The following MGLL variants were observed in gnomAD, a reference collection of about 807,000 sequenced individuals.
The protein encoded by MGLL is monoglyceride lipase.
Under a neutral mutation model 29.1 loss-of-function variants are expected in MGLL, and 7 were observed. The observed-to-expected ratio is 0.24, with a 90% CI of 0.14 to 0.45. The LOEUF (loss-of-function observed/expected upper bound fraction) is 0.45, where lower values mean the gene tolerates loss of function less well. MGLL is among the 20% of genes least tolerant of loss of function. MGLL has a pLI of 0.99. For missense variants in MGLL, 356 were observed against 413.6 expected (o/e 0.86, Z 1.21); for synonymous variants, 148 against 168.3 (o/e 0.88, Z 0.93).
chr3:127,789,947 C>A (rs193127822), intron 2 of MGLL, among the ~76,000 whole-genome samples: 2 of 152,328 alleles, frequency 1.3e-5, no homozygotes, highest in Admixed American at 1.3e-4. Flanking sequence ...CCACCCACCT[C>A]CAAGCTATGT....
chr3:127,766,501 C>T (rs914465706), intron 3 of MGLL, among the ~76,000 whole-genome samples: 1 of 152,196 alleles, frequency 6.6e-6, no homozygotes, highest in Non-Finnish European at 1.5e-5. Context: ...GAGCCCCAAT[C>T]CACTTCCTCA....
chr3:127,691,859 G>C lies in MGLL; in HGVS notation c.*339C>G. On this transcript the variant is annotated 3_prime_UTR_variant, in exon 8 of 8. Coordinates refer to ENST00000265052, the MANE Select transcript of MGLL (RefSeq NM_007283.7). The stretch of plus-strand genomic sequence containing the variant: ...CAGTTATTGCAGTCTGGTGTCCTGG[G>C]AACACCAGGAATTCCTGGAACCCTT... 1 of 338,600 alleles carries C rather than the reference G, an allele frequency of 3.0e-6. No homozygotes were observed. The highest frequency in any genetic ancestry group is 2.6e-5 in the South Asian group (1 of 38,526). The allele number at this position is 338,600 out of a possible 1,614,324, so 21.0% of individuals were successfully genotyped here. A position where few individuals can be genotyped will look rare whatever the true frequency, so the allele number is the denominator to read the frequency against.
intron 2 of MGLL, among the ~76,000 whole-genome samples, chr3:127,794,444 G>A (rs1420871441): frequency 2.6e-5 from 4 of 152,140 alleles, no homozygotes; most frequent in Admixed American, 2.0e-4. Context: ...CTTCTATGAT[G>A]TAAGGATGTC....
chr3:127,731,823 T>C (rs2076157626), intron 3 of MGLL, among the ~76,000 whole-genome samples: 1 of 152,224 alleles, frequency 6.6e-6, no homozygotes, highest in East Asian at 1.9e-4. Flanking sequence ...GTCAATGGAA[T>C]AAACTTCTCC....
intron 3 of MGLL, among the ~76,000 whole-genome samples, chr3:127,729,445 G>T (rs1270107740): frequency 1.3e-5 from 2 of 152,016 alleles, no homozygotes; most frequent in Non-Finnish European, 2.9e-5. Context: ...TTGGTGTAGG[G>T]TAGGAGATAC....
At chr3:127,809,087 C>A (rs1274958242) in intron 2 of MGLL, among the ~76,000 whole-genome samples, 2 of 151,838 alleles carry the variant, frequency 1.3e-5, no homozygotes, top group African/African-American at 4.8e-5. Context: ...CTTGCCATCT[C>A]ATGACTACAA....
chr3:127,745,892 G>A (rs2076432558), intron 3 of MGLL, among the ~76,000 whole-genome samples: 1 of 152,168 alleles, frequency 6.6e-6, no homozygotes, highest in Non-Finnish European at 1.5e-5. Context: ...GGGCATGGAA[G>A]GGGAAGGCTG....
intron 2 of MGLL, among the ~76,000 whole-genome samples, chr3:127,802,235 C>T (rs1365850973): frequency 6.6e-6 from 1 of 152,152 alleles, no homozygotes; most frequent in Non-Finnish European, 1.5e-5. Flanking sequence ...GTAAGAGATA[C>T]TAGGTTCAAG....
chr3:127,821,776 G>C lies in MGLL; in HGVS notation c.73C>G (p.Pro25Ala). 6.2e-7 allele frequency: 1 copy of C among 1,614,132 alleles called. No individual in the cohort carries two copies. Among genetic ancestry groups the C allele is most frequent in the Non-Finnish European group, 8.5e-7 (1 of 1,179,960 alleles). Residue 25 changes from proline (P) to alanine (A), a missense_variant, in exon 2 of 8, where the codon CCC becomes GCC. Transcript: ENST00000265052. ...SSPRRTPQSIPYQDLPHLVNA... is the reference protein window; with the variant it reads ...SSPRRTPQSIAYQDLPHLVNA... Reference sequence around the variant, plus strand: ...ACCAGGTGAGGGAGGTCCTGGTAGGGAATGCTCTGCGGGGTCCGCCTGGGG... The same window carrying C: ...ACCAGGTGAGGGAGGTCCTGGTAGGCAATGCTCTGCGGGGTCCGCCTGGGG...
chr3:127,760,857 T>C (rs2076751446), intron 3 of MGLL, among the ~76,000 whole-genome samples: 1 of 152,254 alleles, frequency 6.6e-6, no homozygotes. Context: ...TCTCTGAGCT[T>C]GTTTCCTCCA....
At position 127,692,095 on chromosome 3, in the gene MGLL, T is replaced by G; in HGVS notation, c.*103A>C. ...TGCTAAGGATTTCTCCAATTTCTGA[T>G]TTTTTTTTTTTTTTTTTTTTGGCAA... On this transcript the variant is annotated 3_prime_UTR_variant, in exon 8 of 8. Coordinates refer to ENST00000265052, the MANE Select transcript of MGLL (RefSeq NM_007283.7). 8.8e-6 allele frequency: 3 copies of G among 340,598 alleles called. No homozygotes were observed. The highest frequency in any genetic ancestry group is 8.3e-5 in the African/African-American group (1 of 12,024). 21.1% of individuals were successfully genotyped at this position (340,598 alleles called of 1,614,324 possible). A position where few individuals can be genotyped will look rare whatever the true frequency, so the allele number is the denominator to read the frequency against.
rs752631537 is a variant in MGLL, at chr3:127,721,116, G to A, written c.447C>T (p.Phe149=). ...ILTAAERPGH[F]AGMVLISPLV... ...GAGGCGAAATGAGTACCATGCCGGCGAAGTGGCCCGGCCTCTCTGCGGCCG... is the reference window on the plus strand; with the variant it reads ...GAGGCGAAATGAGTACCATGCCGGCAAAGTGGCCCGGCCTCTCTGCGGCCG... The change falls in exon 5 of 8, where the codon TTC becomes TTT. Residue 149 remains phenylalanine (F), a synonymous_variant. Transcript: ENST00000265052. The A allele has an allele frequency of 1.7e-5, 27 of 1,614,244 alleles. No individual in the cohort carries two copies. The highest frequency in any genetic ancestry group is 3.3e-4 in the Middle Eastern group (2 of 6,062).
At chr3:127,794,910 A>T (rs1439331674) in intron 2 of MGLL, among the ~76,000 whole-genome samples, 2 of 152,232 alleles carry the variant, frequency 1.3e-5, no homozygotes, top group African/African-American at 4.8e-5. Context: ...AAGAAAGTTA[A>T]TGTGTGTCTA....
chr3:127,782,552 C>T (rs2077145818), intron 2 of MGLL, among the ~76,000 whole-genome samples: 1 of 152,168 alleles, frequency 6.6e-6, no homozygotes, highest in Non-Finnish European at 1.5e-5. Flanking sequence ...AGTGCTGGCG[C>T]GGGGCAGGCA....
At chr3:127,773,582 T>A (rs571272867) in intron 3 of MGLL, among the ~76,000 whole-genome samples, 2 of 152,326 alleles carry the variant, frequency 1.3e-5, no homozygotes, top group South Asian at 4.1e-4. Flanking sequence ...TGGGACAGCA[T>A]GACGGGGACT....
intron 2 of MGLL, among the ~76,000 whole-genome samples, chr3:127,815,504 T>C (rs377332644): frequency 4.1e-4 from 62 of 152,382 alleles, no homozygotes; most frequent in African/African-American, 1.4e-3. Context: ...GTCTTTGCCA[T>C]GACGCGGCCT....
chr3:127,736,117 C>T, intron 3 of MGLL: 1 of 1,143,914 alleles, frequency 8.7e-7, no homozygotes, highest in Non-Finnish European at 1.1e-6. Flanking sequence ...TTGTTTGGAG[C>T]TCAGGGTCAG....
chr3:127,739,161 C>T (rs1179013372), intron 3 of MGLL, among the ~76,000 whole-genome samples: 2 of 152,170 alleles, frequency 1.3e-5, no homozygotes, highest in South Asian at 2.1e-4. Flanking sequence ...CTCAAGTGGC[C>T]GCTGAGTGCA....
chr3:127,701,996 G>A (rs1161983575), intron 6 of MGLL, among the ~76,000 whole-genome samples: 2 of 152,178 alleles, frequency 1.3e-5, no homozygotes, highest in Admixed American at 1.3e-4. Flanking sequence ...TCAGAGCTGT[G>A]ATAGCAACAG....
Sources: gnomAD v4.1 joint callset for allele counts (sites outside exome capture counted in the v4.1 genomes callset) on GRCh38, gnomAD v4.1.1 for gene constraint, MANE v1.5 for transcripts, NCBI Gene and HGNC (gene_info 2026-07-23, HGNC 2026-07-21) for gene names.